Variants in IFRD1 observed in about 807,000 individuals in gnomAD.
The protein encoded by IFRD1 is interferon related developmental regulator 1.
A neutral mutation model predicts 52.9 loss-of-function variants in IFRD1; 35 were observed. The observed-to-expected ratio is 0.66, with a 90% CI of 0.51 to 0.88. IFRD1 has a LOEUF of 0.88. IFRD1 is among the 40% of genes least tolerant of loss of function. The pLI, the probability that IFRD1 is intolerant of heterozygous loss-of-function variation, is 0.00. For synonymous variants in IFRD1, 184 were observed against 188.4 expected, an observed-to-expected ratio of 0.98 and a Z score of 0.19; for missense variants, 517 against 550.8, an observed-to-expected ratio of 0.94 and a Z score of 0.61.
intron 1 of IFRD1, among the ~76,000 whole-genome samples, chr7:112,432,189 T>C (rs908227788): frequency 2.6e-5 from 4 of 152,244 alleles, no homozygotes; most frequent in African/African-American, 9.6e-5. Context: ...TATTGTGGCC[T>C]ACTGTGTACT....
intron 3 of IFRD1, 50 bp downstream of exon 3, chr7:112,456,136 G>GCTTTTGACTAAGA: frequency 9.8e-7 from 1 of 1,016,730 alleles, no homozygotes; most frequent in Non-Finnish European, 1.6e-6. Flanking sequence ...CTTGATCTTA[G>GCTTTTGACTAAGA]TCAAAAGCTA....
At chr7:112,466,182 A>G (rs1795604333) in intron 8 of IFRD1, among the ~76,000 whole-genome samples, 1 of 152,106 alleles carries the variant, frequency 6.6e-6, no homozygotes, top group Admixed American at 6.6e-5. Context: ...GTAAAGTCCT[A>G]TTAATAGGCT....
At chr7:112,426,085 C>G (rs1794423119) in intron 1 of IFRD1, among the ~76,000 whole-genome samples, 1 of 152,134 alleles carries the variant, frequency 6.6e-6, no homozygotes, top group Non-Finnish European at 1.5e-5. Flanking sequence ...TGGTGGTTCA[C>G]TCCTGTAATA....
intron 1 of IFRD1, among the ~76,000 whole-genome samples, chr7:112,455,476 C>G (rs1021087428): frequency 1.1e-4 from 16 of 150,334 alleles, no homozygotes; most frequent in Admixed American, 4.7e-4. Flanking sequence ...CAGGGAGGCT[C>G]TGTCTCAAAA....
At chr7:112,464,036 C>CTTT (rs770696329) in intron 8 of IFRD1, among the ~76,000 whole-genome samples, 230 of 125,170 alleles carry the variant, frequency 1.8e-3, no homozygotes, top group African/African-American at 6.2e-3. Context: ...TTTTTATTTG[C>CTTT]TTTTTTTTTT....
intron 1 of IFRD1, among the ~76,000 whole-genome samples, chr7:112,432,605 A>T (rs1584464636): frequency 6.6e-6 from 1 of 152,232 alleles, no homozygotes; most frequent in African/African-American, 2.4e-5. Flanking sequence ...ACAAATGAGG[A>T]AATGGGACTC....
chr7:112,452,097 A>G (rs968480343), intron 1 of IFRD1: 62 of 983,310 alleles, frequency 6.3e-5, no homozygotes, highest in Non-Finnish European at 6.9e-5. Context: ...ATTCTTTATC[A>G]AGATGTAAAA....
rs61603869 is a variant in IFRD1, at chr7:112,461,852, AT to A, written c.568-3del. 108,632 of 1,161,746 alleles carry A rather than the reference AT, an allele frequency of 0.094. 3,450 individuals are homozygous for A. Among genetic ancestry groups the A allele is most frequent in the African/African-American group, 0.16 (10,627 of 64,446 alleles). The allele number at this position is 1,161,746 out of a possible 1,614,324, so 72.0% of individuals were successfully genotyped here. A position where few individuals can be genotyped will look rare whatever the true frequency, so the allele number is the denominator to read the frequency against. On this transcript the variant is annotated splice_polypyrimidine_tract_variant and intron_variant, in intron 5 of 11. Coordinates refer to ENST00000403825, the MANE Select transcript of IFRD1 (RefSeq NM_001550.4). ...AAATCATTAATGTCTATATATATAT[AT>A]TTTTTTTTTTAGTGTGCAACTTGCT...
At chr7:112,458,741 G>A (rs1795355291) in intron 4 of IFRD1, 120 bp from the exon 5 acceptor site, 1 of 864,590 alleles carries the variant, frequency 1.2e-6, no homozygotes, top group African/African-American at 1.7e-5. Context: ...AAAGCCTGGA[G>A]CATGGGGTTT....
intron 1 of IFRD1, among the ~76,000 whole-genome samples, chr7:112,425,567 T>C (rs1452557960): frequency 6.6e-6 from 1 of 152,178 alleles, no homozygotes; most frequent in Non-Finnish European, 1.5e-5. Context: ...ACCTCTGACC[T>C]TGGACTAAGG....
intron 1 of IFRD1, among the ~76,000 whole-genome samples, chr7:112,455,431 G>A (rs1748686124): frequency 6.6e-6 from 1 of 152,070 alleles, no homozygotes; most frequent in Admixed American, 6.6e-5. Context: ...GTTACAGTGA[G>A]CCAAGATTGT....
intron 8 of IFRD1, among the ~76,000 whole-genome samples, chr7:112,464,877 C>G (rs995257752): frequency 6.6e-6 from 1 of 152,134 alleles, no homozygotes; most frequent in Non-Finnish European, 1.5e-5. Flanking sequence ...CAAATATACT[C>G]CTTGGAGCCA....
intron 1 of IFRD1, among the ~76,000 whole-genome samples, chr7:112,436,590 C>T (rs928849551): frequency 3.9e-5 from 6 of 152,012 alleles, no homozygotes; most frequent in African/African-American, 1.5e-4. Flanking sequence ...AGCAGAACCT[C>T]TGTGTGCTAT....
At chr7:112,424,565 C>T (rs942541901) in intron 1 of IFRD1, among the ~76,000 whole-genome samples, 1 of 151,826 alleles carries the variant, frequency 6.6e-6, no homozygotes, top group African/African-American at 2.4e-5. Flanking sequence ...CAGGCGGCTG[C>T]CACCACACCA....
chr7:112,433,466 T>C (rs1317651383), intron 1 of IFRD1, among the ~76,000 whole-genome samples: 1 of 152,162 alleles, frequency 6.6e-6, no homozygotes, highest in Non-Finnish European at 1.5e-5. Flanking sequence ...AAGCACTGCT[T>C]TTAGGTTTTA....
At chr7:112,463,411 T>C (rs958170191) in intron 8 of IFRD1, among the ~76,000 whole-genome samples, 4 of 152,200 alleles carry the variant, frequency 2.6e-5, no homozygotes, top group Admixed American at 6.5e-5. Flanking sequence ...GTCATTCATA[T>C]TCCATTCTAG....
chr7:112,435,903 AAC>A (rs1794678026), intron 1 of IFRD1, among the ~76,000 whole-genome samples: 1 of 142,824 alleles, frequency 7.0e-6, no homozygotes, highest in South Asian at 2.2e-4. Flanking sequence ...TTGTTTTTTG[AAC>A]AGAGTCTTGC....
chr7:112,431,333 A>G (rs1010189610), intron 1 of IFRD1, among the ~76,000 whole-genome samples: 2 of 152,228 alleles, frequency 1.3e-5, no homozygotes, highest in East Asian at 1.9e-4. Context: ...TTCAAATTTG[A>G]TAATTCAGCA....
chr7:112,454,516 G>A (rs1185884473), intron 1 of IFRD1, among the ~76,000 whole-genome samples: 1 of 152,060 alleles, frequency 6.6e-6, no homozygotes, highest in Non-Finnish European at 1.5e-5. Context: ...TTAAACTCTT[G>A]CACATTGTAG....
Sources: allele counts gnomAD v4.1 joint callset (sites outside exome capture counted in the v4.1 genomes callset), GRCh38; gene constraint gnomAD v4.1.1; transcripts MANE v1.5; gene names NCBI Gene and HGNC (gene_info 2026-07-23, HGNC 2026-07-21).